ZNF493: variants seen among roughly 807,000 people sequenced by gnomAD.
The protein encoded by ZNF493 is zinc finger protein 493.
Under a neutral mutation model 12.2 loss-of-function variants are expected in ZNF493, and 11 were observed. The ratio of observed to expected loss-of-function variants is 0.90; its 90% CI spans 0.57 to 1.50. The LOEUF is 1.50. ZNF493 is among the 40% of genes most tolerant of loss of function. The probability of loss-of-function intolerance (pLI) is 0.00; values close to 1 mark genes in which losing one functional copy is unlikely to be tolerated. For synonymous variants in ZNF493, 286 were observed against 302.6 expected (o/e 0.95, Z 0.57); for missense variants, 950 against 906.6 (o/e 1.05, Z -0.61).
chr19:21,417,321 T>C (rs2030524769), intron 3 of ZNF493, among the ~76,000 whole-genome samples: 1 of 152,176 alleles, frequency 6.6e-6, no homozygotes, highest in African/African-American at 2.4e-5. Context: ...CTCTCAGTCT[T>C]GTCGTTGCCT....
chr19:21,418,054 G>T (rs183263297), intron 3 of ZNF493, among the ~76,000 whole-genome samples: 1 of 152,142 alleles, frequency 6.6e-6, no homozygotes, highest in African/African-American at 2.4e-5. Flanking sequence ...TCACTCTCTC[G>T]TCTAGCTTGC....
rs766646721 is a variant in ZNF493, at chr19:21,405,133, C to A, written c.35C>A (p.Pro12Gln). 16 of 1,612,582 alleles carry A rather than the reference C, an allele frequency of 9.9e-6. No individual in the cohort carries two copies. In the Admixed American group the frequency reaches 2.2e-4, roughly 22 times the overall value. ...PGPPESLDMG[P>Q]LTFRDVAIEF... is the part of the protein sequence containing the mutation. ...GTTTGTGTGTGTTTGTTTCAGGGGC[C>A]GTTGACATTTAGGGATGTGGCCATA... The change falls in exon 2 of 4, where the codon CCG becomes CAG. Residue 12 changes from proline (P) to glutamine (Q), a missense_variant. Physicochemically the swap from Pro to Gln is moderately conservative, Grantham distance 76 (BLOSUM62 -1). Coordinates refer to ENST00000392288, the MANE Select transcript of ZNF493 (RefSeq NM_001076678.3).
At position 21,426,042 on chromosome 19, in the gene ZNF493, G is replaced by A; in HGVS notation, c.*1058G>A. On this transcript the variant is annotated 3_prime_UTR_variant, in exon 4 of 4. Transcript: ENST00000392288. Reference sequence around the variant, plus strand: ...TATGATTGTGAAAAATATGGCAAAGGCTTTAACTAGTCCTCAGTTCTTAAC... The same window carrying A: ...TATGATTGTGAAAAATATGGCAAAGACTTTAACTAGTCCTCAGTTCTTAAC... The A allele has an allele frequency of 2.2e-6, 1 of 454,640 alleles. No individual in the cohort carries two copies. The highest frequency in any genetic ancestry group is 1.9e-5 in the South Asian group (1 of 53,956). The allele number at this position is 454,640 out of a possible 1,614,324, so 28.2% of individuals were successfully genotyped here. A position where few individuals can be genotyped will look rare whatever the true frequency, so the allele number is the denominator to read the frequency against.
chr19:21,405,945 G>A (rs2030110796), intron 3 of ZNF493, 89 bp downstream of exon 3: 1 of 1,009,284 alleles, frequency 9.9e-7, no homozygotes. Context: ...TCCTGGCCGG[G>A]AGCAATGGCT....
At chr19:21,420,595 A>T in intron 3 of ZNF493, among the ~76,000 whole-genome samples, 1 of 5,490 alleles carries the variant, frequency 1.8e-4, no homozygotes, top group African/African-American at 1.5e-3. Context: ...ACTTGATTAT[A>T]TATATATATA....
At chr19:21,400,582 A>G (rs538622464) in intron 1 of ZNF493, among the ~76,000 whole-genome samples, 1 of 152,308 alleles carries the variant, frequency 6.6e-6, no homozygotes, top group African/African-American at 2.4e-5. Context: ...CTGAGCCTGC[A>G]AAAGGAGTTT....
At position 21,424,522 on chromosome 19, in the gene ZNF493, A is replaced by T; in HGVS notation, c.1863A>T (p.Lys621Asn). 6.2e-7 allele frequency: 1 copy of T among 1,611,032 alleles called. No homozygotes were observed. The highest frequency in any genetic ancestry group is 8.5e-7 in the Non-Finnish European group (1 of 1,179,112). The change falls in exon 4 of 4, where the codon AAA becomes AAT. Residue 621 changes from lysine to asparagine, a missense_variant. Physicochemically the swap from Lys to Asn is moderately conservative, Grantham distance 94. Transcript: ENST00000392288. ...NRSSILSIHKKIHTGEKPYKC... is the reference protein window; with the variant it reads ...NRSSILSIHKNIHTGEKPYKC... ...CTTCAATCCTTAGTATACATAAGAAAATTCATACTGGAGAAAAACCCTACA... is the reference window on the plus strand; with the variant it reads ...CTTCAATCCTTAGTATACATAAGAATATTCATACTGGAGAAAAACCCTACA...
At chr19:21,408,569 G>T in intron 3 of ZNF493, 1 of 985,034 alleles carries the variant, frequency 1.0e-6, no homozygotes, top group Non-Finnish European at 1.2e-6. Flanking sequence ...AAATACTGTA[G>T]TTAGACAAAT....
intron 3 of ZNF493, among the ~76,000 whole-genome samples, chr19:21,409,125 C>T (rs546462153): frequency 6.6e-6 from 1 of 152,068 alleles, no homozygotes; most frequent in East Asian, 1.9e-4. Flanking sequence ...ACCTCGTGAT[C>T]TGCCTGCCTC....
intron 1 of ZNF493, among the ~76,000 whole-genome samples, chr19:21,400,609 GT>G (rs1568376295): frequency 6.6e-6 from 1 of 151,928 alleles, no homozygotes; most frequent in African/African-American, 2.4e-5. Context: ...GGCCTAGTTA[GT>G]TTTTTTTCTG....
chr19:21,424,527 A>T lies in ZNF493; in HGVS notation c.1868A>T (p.His623Leu), dbSNP rs1401327866. 1.2e-6 allele frequency: 2 copies of T among 1,613,572 alleles called. No homozygotes were observed. Among genetic ancestry groups the T allele is most frequent in the Non-Finnish European group, 1.7e-6 (2 of 1,179,770 alleles). The change falls in exon 4 of 4, where the codon CAT becomes CTT. Residue 623 changes from histidine to leucine, a missense_variant. By Grantham distance (99) the His-to-Leu change is moderately conservative. Transcript: ENST00000392288. ...ATCCTTAGTATACATAAGAAAATTC[A>T]TACTGGAGAAAAACCCTACAAATGT... ...SSILSIHKKI[H>L]TGEKPYKCEE...
intron 1 of ZNF493, among the ~76,000 whole-genome samples, chr19:21,402,748 T>A (rs1238331702): frequency 1.2e-4 from 18 of 152,184 alleles, no homozygotes. Context: ...CCTGCTACAG[T>A]TATATGAGAG....
chr19:21,398,501 T>C (rs1461741526), intron 1 of ZNF493: 6 of 289,386 alleles, frequency 2.1e-5, no homozygotes, highest in Non-Finnish European at 4.0e-5. Context: ...TTTGGTTTTT[T>C]CCTGGTCATG....
chr19:21,408,916 T>A (rs986060100), intron 3 of ZNF493: 1 of 728,366 alleles, frequency 1.4e-6, no homozygotes, highest in African/African-American at 1.9e-5. Flanking sequence ...GGAGTCTCGC[T>A]CTGTCGCCCA....
chr19:21,417,582 G>C (rs1317902126), intron 3 of ZNF493, among the ~76,000 whole-genome samples: 3 of 152,174 alleles, frequency 2.0e-5, no homozygotes, highest in Non-Finnish European at 4.4e-5. Flanking sequence ...TAGCACTAAA[G>C]GAAGGGTATT....
intron 3 of ZNF493, among the ~76,000 whole-genome samples, chr19:21,418,130 A>G (rs1448151134): frequency 6.6e-6 from 1 of 152,154 alleles, no homozygotes; most frequent in East Asian, 1.9e-4. Flanking sequence ...TCACTGGGGC[A>G]ACTACTTTTC....
Position 21,424,344 on chromosome 19 carries a change from C to T in ZNF493, c.1685C>T (p.Thr562Ile), listed in dbSNP as rs199591777. 4.4e-6 allele frequency: 7 copies of T among 1,607,424 alleles called. No homozygotes were observed. The African/African-American group carries it at 9.6e-5, about 22-fold the overall frequency. The change falls in exon 4 of 4, where the codon ACA becomes ATA. Residue 562 changes from threonine (T) to isoleucine (I), a missense_variant. By Grantham distance (89) the Thr-to-Ile change is moderately conservative. Coordinates refer to ENST00000392288, the MANE Select transcript of ZNF493 (RefSeq NM_001076678.3). ...KAFNRSSHLT[T>I]HKRIHTGHKP... is the part of the protein sequence containing the mutation. ...TTTAATCGGTCCTCACACCTTACTA[C>T]ACATAAGAGAATTCATACTGGACAC...
intron 3 of ZNF493, among the ~76,000 whole-genome samples, chr19:21,422,333 G>A (rs1038546612): frequency 1.3e-5 from 2 of 149,728 alleles, no homozygotes; most frequent in African/African-American, 4.9e-5. Flanking sequence ...GTGTGGAAAG[G>A]CCTGGACAAG....
At chr19:21,420,631 T>A (rs1216562517) in intron 3 of ZNF493, among the ~76,000 whole-genome samples, 159 of 84,312 alleles carry the variant, frequency 1.9e-3, no homozygotes, top group Non-Finnish European at 2.6e-3. Context: ...ATATTTTTTT[T>A]TTTTTTTTTT....
Sources: gnomAD v4.1 joint callset for allele counts (sites outside exome capture counted in the v4.1 genomes callset) on GRCh38, gnomAD v4.1.1 for gene constraint, MANE v1.5 for transcripts, NCBI Gene and HGNC (gene_info 2026-07-23, HGNC 2026-07-21) for gene names.